GALR1: variants seen among roughly 807,000 people sequenced by gnomAD.
The protein encoded by GALR1 is galanin receptor 1, also known as galanin receptor type 1.
In GALR1, 11 loss-of-function variants were observed where a neutral mutation model predicts 17.9. The ratio of observed to expected loss-of-function variants is 0.62; its 90% CI spans 0.39 to 1.02. The LOEUF is 1.02. Among genes scored for constraint, GALR1 ranks in the 50% least tolerant of loss-of-function variants. The pLI is 0.01. For missense variants in GALR1, 441 were observed against 456.9 expected (o/e 0.97, Z 0.32); for synonymous variants, 206 against 205.7 (o/e 1.00, Z -0.01).
In GALR1 at chr18:77,275,006, G is replaced by A. The variant is rs936613491; in HGVS notation, c.*6104G>A. On this transcript the variant is annotated 3_prime_UTR_variant, in exon 3 of 3. Coordinates refer to ENST00000299727, the MANE Select transcript of GALR1 (RefSeq NM_001480.4). ...GTTTGGACTTAGGACTTTTTTCCTG[G>A]CTATCCTGCCAATACTTTTCCATCT... 6.6e-6 allele frequency: 1 copy of A among 152,158 alleles called. No homozygotes were observed. Among genetic ancestry groups the A allele is most frequent in the East Asian group, 1.9e-4 (1 of 5,198 alleles). 9.4% of individuals were successfully genotyped at this position (152,158 alleles called of 1,614,324 possible).
At chr18:77,262,209 T>TTTA (rs1912846599) in intron 2 of GALR1, among the ~76,000 whole-genome samples, 1 of 147,730 alleles carries the variant, frequency 6.8e-6, no homozygotes, top group African/African-American at 2.5e-5. Context: ...GAGGTATAGC[T>TTTA]ATCCGAATTA....
rs763537943 is a variant in GALR1 at position 77,251,261 on chromosome 18, C to T, written c.666+47C>T. 1.9e-5 allele frequency: 30 copies of T among 1,550,178 alleles called. 1 individual carries two copies. In the Admixed American group the frequency reaches 2.3e-4, roughly 12 times the overall value. On this transcript the variant is annotated intron_variant, in intron 1 of 2. Coordinates refer to ENST00000299727, the MANE Select transcript of GALR1 (RefSeq NM_001480.4). ...GAGACGCGCGAGGGAGGGCGGAGGG[C>T]CGGTGGGGGCCCTGGGGTCTCAGTG...
intron 2 of GALR1, among the ~76,000 whole-genome samples, chr18:77,263,749 C>G (rs534054820): frequency 1.3e-5 from 2 of 152,282 alleles, no homozygotes; most frequent in African/African-American, 4.8e-5. Context: ...ACTTTGCTAC[C>G]TCATGTCAAT....
chr18:77,253,007 C>CCAT (rs1568139262), intron 1 of GALR1, among the ~76,000 whole-genome samples: 71 of 74,182 alleles, frequency 9.6e-4, no homozygotes, highest in East Asian at 1.7e-3. Context: ...ACCACCACCA[C>CCAT]CACCACCACC....
At chr18:77,264,977 T>C (rs1021677424) in intron 2 of GALR1, among the ~76,000 whole-genome samples, 3 of 152,168 alleles carry the variant, frequency 2.0e-5, no homozygotes, top group Admixed American at 1.3e-4. Flanking sequence ...GTCTTACTGC[T>C]CCTGGCCCCT....
At chr18:77,261,853 T>C (rs1269407628) in intron 2 of GALR1, among the ~76,000 whole-genome samples, 1 of 152,202 alleles carries the variant, frequency 6.6e-6, no homozygotes, top group East Asian at 1.9e-4. Flanking sequence ...GGATGGGGTC[T>C]TGCTTTGTTG....
At position 77,250,636 on chromosome 18, in the gene GALR1, G is replaced by C. The variant is rs1391822695; in HGVS notation, c.88G>C (p.Gly30Arg). The change falls in exon 1 of 3, where the codon GGC becomes CGC. Residue 30 changes from glycine (G) to arginine (R), a missense_variant. Transcript: ENST00000299727. ...APEPGPLFGIGVENFVTLVVF... is the reference protein window; with the variant it reads ...APEPGPLFGIRVENFVTLVVF... ...GGAGCCCGGGCCGCTGTTCGGCATC[G>C]GCGTGGAGAACTTCGTCACGCTGGT... The C allele has an allele frequency of 1.9e-6, 3 of 1,598,382 alleles. No homozygotes were observed. Among genetic ancestry groups the C allele is most frequent in the Middle Eastern group, 1.7e-4 (1 of 6,026 alleles).
At chr18:77,258,695 GGTGGTCAT>G (rs1912676633) in intron 2 of GALR1, among the ~76,000 whole-genome samples, 1 of 65,188 alleles carries the variant, frequency 1.5e-5, no homozygotes, top group East Asian at 5.1e-4. Context: ...TGATGGTGGT[GGTGGTCAT>G]GTGATGGTGG....
rs1568138985 is a variant in GALR1 at position 77,252,887 on chromosome 18, C to CCACCACCAT, written c.666+1682_666+1690dup. 4.5e-3 allele frequency among the ~76,000 whole-genome samples: 339 copies of CCACCACCAT among 76,140 alleles called. 35 individuals carry two copies. Among genetic ancestry groups the CCACCACCAT allele is most frequent in the Non-Finnish European group, 7.5e-3 (253 of 33,946 alleles). The allele number at this position is 76,140 out of a possible 152,430, so 50.0% of individuals were successfully genotyped here. A position where few individuals can be genotyped will look rare whatever the true frequency, so the allele number is the denominator to read the frequency against. On this transcript the variant is annotated intron_variant, in intron 1 of 2. Coordinates refer to ENST00000299727, the MANE Select transcript of GALR1 (RefSeq NM_001480.4). ...ACCACCACCACCACCACCATCACCA[C>CCACCACCAT]CACCACCATCACCACCACCACCACC...
intron 2 of GALR1, among the ~76,000 whole-genome samples, chr18:77,262,498 A>G (rs184469756): frequency 2.6e-5 from 4 of 152,274 alleles, no homozygotes; most frequent in African/African-American, 9.6e-5. Context: ...ACTGTTTTCA[A>G]CCATGCACAT....
chr18:77,268,255 T>A (rs559751678), intron 2 of GALR1, among the ~76,000 whole-genome samples: 152 of 152,256 alleles, frequency 1.0e-3, no homozygotes, highest in Non-Finnish European at 1.7e-3. Flanking sequence ...GTTTAAAAGT[T>A]ACAGTCTCTA....
chr18:77,266,715 A>C (rs34487201), intron 2 of GALR1, among the ~76,000 whole-genome samples: 5,969 of 152,304 alleles, frequency 0.039, 175 homozygotes, highest in Non-Finnish European at 0.06. Flanking sequence ...CAGGAAGGAG[A>C]AGAATGAGAG....
Position 77,272,136 on chromosome 18 carries a change from C to T in GALR1, c.*3234C>T, listed in dbSNP as rs1051482744. Reference sequence around the variant, plus strand: ...ACTCACTTCTATCCAGATTTCCTCTCGATAATATTTACCACAGATAAATTC... The same window carrying T: ...ACTCACTTCTATCCAGATTTCCTCTTGATAATATTTACCACAGATAAATTC... On this transcript the variant is annotated 3_prime_UTR_variant, in exon 3 of 3. Coordinates refer to ENST00000299727, the MANE Select transcript of GALR1 (RefSeq NM_001480.4). 8.5e-5 allele frequency: 13 copies of T among 152,180 alleles called. No individual in the cohort carries two copies. The highest frequency in any genetic ancestry group is 3.1e-4 in the African/African-American group (13 of 41,440). The allele number at this position is 152,180 out of a possible 1,614,324, so 9.4% of individuals were successfully genotyped here. A position where few individuals can be genotyped will look rare whatever the true frequency, so the allele number is the denominator to read the frequency against.
At chr18:77,256,055 A>T (rs1238541536) in intron 1 of GALR1, 103 bp from the exon 2 acceptor site, 1 of 698,174 alleles carries the variant, frequency 1.4e-6, no homozygotes, top group African/African-American at 1.8e-5. Context: ...GATCTTATAA[A>T]TAGTGATGTT....
chr18:77,259,304 G>GGTGGTC (rs1555672789), intron 2 of GALR1, among the ~76,000 whole-genome samples: 2 of 55,512 alleles, frequency 3.6e-5, no homozygotes, highest in Non-Finnish European at 1.0e-4. Flanking sequence ...TGGTGGTGAT[G>GGTGGTC]ATGGTGGTGA....
chr18:77,252,483 A>C (rs907640031), intron 1 of GALR1, among the ~76,000 whole-genome samples: 4 of 152,212 alleles, frequency 2.6e-5, no homozygotes, highest in Admixed American at 2.6e-4. Flanking sequence ...ACTATAAGCC[A>C]CCTGTTTCCC....
chr18:77,250,487 G>A lies in GALR1; in HGVS notation c.-62G>A. 7.1e-7 allele frequency: 1 copy of A among 1,399,636 alleles called. No homozygotes were observed. Among genetic ancestry groups the A allele is most frequent in the Non-Finnish European group, 9.2e-7 (1 of 1,085,014 alleles). 86.7% of individuals were successfully genotyped at this position (1,399,636 alleles called of 1,614,324 possible). On this transcript the variant is annotated 5_prime_UTR_variant, in exon 1 of 3. Coordinates refer to ENST00000299727, the MANE Select transcript of GALR1 (RefSeq NM_001480.4). ...GCCGGGACCCCTGGCCACCCCCGGC[G>A]CCTACTATCCCGCCCTCCCTCCCCG... is the stretch of plus-strand genomic sequence containing the variant.
At chr18:77,252,962 CCACCACCA>C (rs1912490416) in intron 1 of GALR1, among the ~76,000 whole-genome samples, 1 of 54,300 alleles carries the variant, frequency 1.8e-5, no homozygotes, top group Middle Eastern at 7.5e-3. Context: ...ACCACCATCA[CCACCACCA>C]TCACCACCAT....
Position 77,274,833 on chromosome 18 carries a change from T to C in GALR1, c.*5931T>C, listed in dbSNP as rs1913124545. 6.6e-6 allele frequency: 1 copy of C among 152,246 alleles called. No homozygotes were observed. The highest frequency in any genetic ancestry group is 1.5e-5 in the Non-Finnish European group (1 of 68,042). The allele number at this position is 152,246 out of a possible 1,614,324, so 9.4% of individuals were successfully genotyped here. A position where few individuals can be genotyped will look rare whatever the true frequency, so the allele number is the denominator to read the frequency against. ...TGATTATGCCTTCATTCACTCTTTT[T>C]ATTACTTATACACATGTCTGTTTTT... On this transcript the variant is annotated 3_prime_UTR_variant, in exon 3 of 3. Coordinates refer to ENST00000299727, the MANE Select transcript of GALR1 (RefSeq NM_001480.4).
Sources: allele counts gnomAD v4.1 joint callset (sites outside exome capture counted in the v4.1 genomes callset), GRCh38; gene constraint gnomAD v4.1.1; transcripts MANE v1.5; gene names NCBI Gene and HGNC (gene_info 2026-07-23, HGNC 2026-07-21).